Variants in FAXDC2 observed in about 807,000 individuals in gnomAD.
The protein encoded by FAXDC2 is fatty acid hydroxylase domain containing 2.
FAXDC2 carries 41 observed loss-of-function variants against 40.9 expected under a neutral mutation model. The ratio of observed to expected loss-of-function variants is 1.00; its 90% CI spans 0.78 to 1.30. The LOEUF (loss-of-function observed/expected upper bound fraction) is 1.30, where lower values mean the gene tolerates loss of function less well. FAXDC2 is among the 50% of genes most tolerant of loss of function. The probability of loss-of-function intolerance (pLI) is 0.00; values close to 1 mark genes in which losing one functional copy is unlikely to be tolerated. For synonymous variants in FAXDC2, 157 were observed against 149.3 expected (o/e 1.05, Z -0.38); for missense variants, 390 against 408.8 (o/e 0.95, Z 0.40).
At chr5:154,846,109 A>G (rs1227733465) in intron 1 of FAXDC2, among the ~76,000 whole-genome samples, 1 of 151,980 alleles carries the variant, frequency 6.6e-6, no homozygotes. Context: ...GCCTGGACAC[A>G]TATTAGTGGC....
chr5:154,826,460 CAG>C (rs1226390241), intron 5 of FAXDC2, among the ~76,000 whole-genome samples: 14 of 146,530 alleles, frequency 9.6e-5, no homozygotes, highest in Non-Finnish European at 2.1e-4. Flanking sequence ...ACCCGGGAGA[CAG>C]AGGTTGCAGT....
rs565614703 is a variant in FAXDC2, at chr5:154,819,456, G to T, written c.*860C>A. 6.6e-6 allele frequency: 1 copy of T among 152,256 alleles called. No individual in the cohort carries two copies. The highest frequency in any genetic ancestry group is 2.4e-5 in the African/African-American group (1 of 41,548). 9.4% of individuals were successfully genotyped at this position (152,256 alleles called of 1,614,324 possible). A position where few individuals can be genotyped will look rare whatever the true frequency, so the allele number is the denominator to read the frequency against. ...GGGAGAAAGAGGGCTCTAACCTTTG[G>T]TCCTCATTCAGATAGGCTAATTAGG... On this transcript the variant is annotated 3_prime_UTR_variant, in exon 9 of 9. Transcript: ENST00000326080.
At chr5:154,826,707 C>T (rs1760048047) in intron 5 of FAXDC2, among the ~76,000 whole-genome samples, 1 of 151,784 alleles carries the variant, frequency 6.6e-6, no homozygotes, top group East Asian at 1.9e-4. Flanking sequence ...GTTGGTAGAG[C>T]CTTTTTCTAG....
At chr5:154,835,566 C>T (rs748475518) in intron 2 of FAXDC2, among the ~76,000 whole-genome samples, 1 of 152,032 alleles carries the variant, frequency 6.6e-6, no homozygotes, top group East Asian at 1.9e-4. Context: ...GAATTGTACA[C>T]GTTTTCTGAC....
At chr5:154,841,146 G>A (rs1442491844) in intron 1 of FAXDC2, among the ~76,000 whole-genome samples, 4 of 152,188 alleles carry the variant, frequency 2.6e-5, no homozygotes, top group African/African-American at 9.6e-5. Context: ...AGACGGGAAT[G>A]GGTTTCAGAC....
At chr5:154,834,980 T>A in intron 2 of FAXDC2, 46 bp from the exon 3 acceptor site, 3 of 1,230,414 alleles carry the variant, frequency 2.4e-6, no homozygotes, top group Non-Finnish European at 3.5e-6. Context: ...GCCTCCTGCC[T>A]TTACACCCAG....
intron 1 of FAXDC2, among the ~76,000 whole-genome samples, chr5:154,846,294 GTGTGT>G (rs1479923240): frequency 1.3e-5 from 2 of 151,886 alleles, no homozygotes. Context: ...GTGTGTGTGT[GTGTGT>G]TAATACCAAA....
At chr5:154,836,943 G>A (rs1028146574) in intron 2 of FAXDC2, among the ~76,000 whole-genome samples, 1 of 152,152 alleles carries the variant, frequency 6.6e-6, no homozygotes, top group Non-Finnish European at 1.5e-5. Flanking sequence ...CCAAAATGCT[G>A]GGATTACAAG....
At chr5:154,824,783 A>G in intron 5 of FAXDC2, 1 of 524,450 alleles carries the variant, frequency 1.9e-6, no homozygotes. Context: ...ACTAGACACA[A>G]CAAATATAAA....
rs1036428231 is a variant in FAXDC2 at position 154,819,847 on chromosome 5, A to G, written c.*469T>C. On this transcript the variant is annotated 3_prime_UTR_variant, in exon 9 of 9. Transcript: ENST00000326080. ...GTCTTGGCTCTGGCCTGAGTCGGGT[A>G]TGTGAAAGCCTTTTGGGGCAGGAAG... 1 of 155,922 alleles carries G rather than the reference A, an allele frequency of 6.4e-6. No individual in the cohort carries two copies. The highest frequency in any genetic ancestry group is 2.4e-5 in the African/African-American group (1 of 41,412). The allele number at this position is 155,922 out of a possible 1,614,324, so 9.7% of individuals were successfully genotyped here.
intron 1 of FAXDC2, among the ~76,000 whole-genome samples, chr5:154,841,269 G>GTT (rs1359511097): frequency 6.6e-6 from 1 of 152,178 alleles, no homozygotes; most frequent in African/African-American, 2.4e-5. Flanking sequence ...ACTGAGGCTT[G>GTT]TAAGTGTGCA....
At chr5:154,834,114 G>T (rs1308965433) in intron 4 of FAXDC2, among the ~76,000 whole-genome samples, 1 of 150,238 alleles carries the variant, frequency 6.7e-6, no homozygotes, top group Admixed American at 6.7e-5. Context: ...TTGAGTGAAT[G>T]TATGATCGAG....
intron 1 of FAXDC2, among the ~76,000 whole-genome samples, chr5:154,841,853 G>C (rs764848783): frequency 1.3e-5 from 2 of 150,950 alleles, no homozygotes; most frequent in Non-Finnish European, 3.0e-5. Context: ...ATCCTGCCTC[G>C]GTCTCCCAAG....
At chr5:154,828,766 A>ATTTT (rs1760109163) in intron 5 of FAXDC2, among the ~76,000 whole-genome samples, 1 of 151,086 alleles carries the variant, frequency 6.6e-6, no homozygotes, top group Non-Finnish European at 1.5e-5. Context: ...CCGGCTAATT[A>ATTTT]AAATAATTTT....
At chr5:154,821,539 GAGA>G in intron 7 of FAXDC2, 113 bp from the exon 8 acceptor site, 2 of 722,830 alleles carry the variant, frequency 2.8e-6, no homozygotes, top group South Asian at 2.2e-5. Flanking sequence ...CCCAGATCTG[GAGA>G]AGGTGAGAGT....
intron 4 of FAXDC2, among the ~76,000 whole-genome samples, chr5:154,833,492 C>G (rs1211294739): frequency 6.6e-6 from 1 of 151,566 alleles, no homozygotes. Flanking sequence ...ATTACAGGCA[C>G]GCACCACCAC....
At chr5:154,840,015 A>G (rs1760442280) in intron 1 of FAXDC2, among the ~76,000 whole-genome samples, 1 of 152,160 alleles carries the variant, frequency 6.6e-6, no homozygotes, top group South Asian at 2.1e-4. Context: ...CCACCATGTT[A>G]CAAGGATGAA....
rs76964760 is a variant in FAXDC2, at chr5:154,849,367, T to C, written c.-1+1116A>G. Among the ~76,000 whole-genome samples, 468 of 152,238 alleles carry C rather than the reference T, an allele frequency of 3.1e-3. 2 individuals carry two copies. The highest frequency in any genetic ancestry group is 5.7e-3 in the Non-Finnish European group (388 of 68,020). ...CCATGGGCCAGTTTTAGTAATACTC[T>C]CTTCACTCCTTTTGCTGCATGGTAC... On this transcript the variant is annotated intron_variant, in intron 1 of 8. Transcript: ENST00000326080.
rs761277313 is a variant in FAXDC2, at chr5:154,847,123, C to T, written c.-1+3360G>A. On this transcript the variant is annotated intron_variant, in intron 1 of 8. Transcript: ENST00000326080. ...GGACTACAGGTCTGTGCCACCATGC[C>T]GGCGAATTTTTAAAAAATTTTTGTA... Among the ~76,000 whole-genome samples the T allele has an allele frequency of 5.6e-4, 85 of 152,026 alleles. 1 individual carries two copies. The highest frequency in any genetic ancestry group is 1.0e-3 in the Non-Finnish European group (70 of 67,970).
Sources: allele counts gnomAD v4.1 joint callset (sites outside exome capture counted in the v4.1 genomes callset), GRCh38; gene constraint gnomAD v4.1.1; transcripts MANE v1.5; gene names NCBI Gene and HGNC (gene_info 2026-07-23, HGNC 2026-07-21).